Variants in CNTNAP5 observed in about 807,000 individuals in gnomAD.
CNTNAP5 encodes the protein contactin-associated protein-like 5.
CNTNAP5 carries 72 observed loss-of-function variants against 150.2 expected under a neutral mutation model. The ratio of observed to expected loss-of-function variants is 0.48; its 90% CI spans 0.40 to 0.58. CNTNAP5 has a LOEUF of 0.58. Among genes scored for constraint, CNTNAP5 ranks in the 20% least tolerant of loss-of-function variants. The pLI is 0.00. For synonymous variants in CNTNAP5, 672 were observed against 619.8 expected, an observed-to-expected ratio of 1.08 and a Z score of -1.25; for missense variants, 1,636 against 1,626.2, an observed-to-expected ratio of 1.01 and a Z score of -0.10.
At chr2:124,582,965 T>TA (rs756387584) in intron 11 of CNTNAP5, among the ~76,000 whole-genome samples, 26 of 152,196 alleles carry the variant, frequency 1.7e-4, no homozygotes, top group Non-Finnish European at 3.1e-4. Context: ...AATCATTTCT[T>TA]AAAAAATTAT....
chr2:124,327,184 G>T (rs1292964131), intron 3 of CNTNAP5, among the ~76,000 whole-genome samples: 2 of 151,768 alleles, frequency 1.3e-5, no homozygotes, highest in Admixed American at 6.6e-5. Flanking sequence ...GTTTCACTGT[G>T]TTAGCCAGGA....
chr2:124,914,320 T>C lies in CNTNAP5; in HGVS notation c.*32T>C. ...GCAGGGTTCCTACTACTCTTTTTTC[T>C]TGTTGTTCAATTATCTCCTCCCCCT... On this transcript the variant is annotated 3_prime_UTR_variant, in exon 24 of 24. Coordinates refer to ENST00000682447, the MANE Select transcript of CNTNAP5 (RefSeq NM_001367498.1). The C allele has an allele frequency of 1.3e-6, 2 of 1,506,592 alleles. No individual in the cohort carries two copies. Among genetic ancestry groups the C allele is most frequent in the Admixed American group, 1.7e-5 (1 of 57,760 alleles). 93.3% of individuals were successfully genotyped at this position (1,506,592 alleles called of 1,614,324 possible).
intron 4 of CNTNAP5, among the ~76,000 whole-genome samples, chr2:124,425,748 C>G (rs1025855187): frequency 6.6e-6 from 1 of 152,174 alleles, no homozygotes; most frequent in African/African-American, 2.4e-5. Context: ...CTTACAGTGG[C>G]ATAGTGATGC....
At chr2:124,522,934 T>C (rs1015293456) in intron 8 of CNTNAP5, among the ~76,000 whole-genome samples, 2 of 152,226 alleles carry the variant, frequency 1.3e-5, no homozygotes, top group African/African-American at 4.8e-5. Context: ...TCTTCTCTGC[T>C]CACATATTGC....
chr2:124,588,253 TC>T (rs1167348748), intron 11 of CNTNAP5, among the ~76,000 whole-genome samples: 1 of 150,674 alleles, frequency 6.6e-6, no homozygotes, highest in East Asian at 2.0e-4. Flanking sequence ...CTTTATTTCC[TC>T]TTTCTTCTTC....
chr2:124,556,611 T>C (rs984026356), intron 10 of CNTNAP5, among the ~76,000 whole-genome samples: 4 of 152,148 alleles, frequency 2.6e-5, no homozygotes, highest in African/African-American at 9.7e-5. Context: ...ATTGTAGTTA[T>C]TCTGGTGAGA....
At chr2:124,519,858 A>ACT (rs1288339135) in intron 8 of CNTNAP5, among the ~76,000 whole-genome samples, 1 of 152,104 alleles carries the variant, frequency 6.6e-6, no homozygotes, top group Admixed American at 6.5e-5. Context: ...AGCCTATTTA[A>ACT]CTCTCTCTCT....
chr2:124,868,006 C>T (rs557707785), intron 20 of CNTNAP5, among the ~76,000 whole-genome samples: 79 of 152,278 alleles, frequency 5.2e-4, no homozygotes, highest in Non-Finnish European at 8.1e-4. Flanking sequence ...GTGGTATTCT[C>T]CTTTTATCTC....
At chr2:124,269,605 G>A (rs1335055553) in intron 3 of CNTNAP5, among the ~76,000 whole-genome samples, 2 of 152,048 alleles carry the variant, frequency 1.3e-5, no homozygotes, top group East Asian at 3.9e-4. Context: ...CACGGAAAGT[G>A]ATAAGAGAGG....
intron 19 of CNTNAP5, among the ~76,000 whole-genome samples, chr2:124,852,500 C>T (rs1335641110): frequency 6.6e-6 from 1 of 152,124 alleles, no homozygotes. Flanking sequence ...TGAAATGAGA[C>T]CAAAGAGGTA....
chr2:124,225,094 G>T (rs188195302), intron 2 of CNTNAP5, among the ~76,000 whole-genome samples: 1 of 152,182 alleles, frequency 6.6e-6, no homozygotes, highest in African/African-American at 2.4e-5. Context: ...GCATCTCTCC[G>T]GATGGTGAGA....
chr2:124,759,437 C>T (rs1017308506), intron 14 of CNTNAP5, among the ~76,000 whole-genome samples: 1 of 145,558 alleles, frequency 6.9e-6, no homozygotes. Flanking sequence ...TATATAATGG[C>T]ACCACTAATT....
intron 13 of CNTNAP5, among the ~76,000 whole-genome samples, chr2:124,678,712 G>A (rs1274659959): frequency 2.6e-5 from 4 of 151,816 alleles, no homozygotes; most frequent in Non-Finnish European, 2.9e-5. Context: ...TTTTGTCATG[G>A]CCTCCTTCTC....
At chr2:124,419,140 CAAAAAAAA>C (rs778863758) in intron 4 of CNTNAP5, among the ~76,000 whole-genome samples, 3 of 28,914 alleles carry the variant, frequency 1.0e-4, no homozygotes, top group African/African-American at 2.1e-4. Flanking sequence ...GACTCCTTCT[CAAAAAAAA>C]AAAAAAAAAA....
In CNTNAP5 at chr2:124,504,355, G is replaced by A. The variant is rs1379485272; in HGVS notation, c.1126G>A (p.Gly376Ser). The A allele has an allele frequency of 5.0e-6, 8 of 1,613,708 alleles. No homozygotes were observed. Among genetic ancestry groups the A allele is most frequent in the Middle Eastern group, 1.6e-4 (1 of 6,062 alleles). The change falls in exon 8 of 24, where the codon GGC (glycine) becomes AGC (serine). Residue 376 changes from glycine to serine, a missense_variant. Transcript: ENST00000682447. Reference protein sequence around the residue: ...IVPITFVNSSGSYLLLPGTPQ... With the variant: ...IVPITFVNSSSSYLLLPGTPQ... ...GCCCATCACATTTGTCAACTCCAGCGGCAGCTATTTGCTGCTGCCCGGCAC... is the reference window on the plus strand; with the variant it reads ...GCCCATCACATTTGTCAACTCCAGCAGCAGCTATTTGCTGCTGCCCGGCAC...
intron 21 of CNTNAP5, among the ~76,000 whole-genome samples, chr2:124,901,710 C>A (rs1678417089): frequency 6.6e-6 from 1 of 152,148 alleles, no homozygotes. Flanking sequence ...CAATTTGTCA[C>A]ACCAGCCACA....
intron 10 of CNTNAP5, among the ~76,000 whole-genome samples, chr2:124,557,328 T>TAA (rs59366701): frequency 2.7e-5 from 4 of 149,898 alleles, no homozygotes; most frequent in Admixed American, 6.6e-5. Flanking sequence ...TCTCACCTCT[T>TAA]AAAAAAAAAA....
At chr2:124,193,277 G>A (rs1296781105) in intron 1 of CNTNAP5, among the ~76,000 whole-genome samples, 3 of 152,188 alleles carry the variant, frequency 2.0e-5, no homozygotes, top group Admixed American at 6.5e-5. Context: ...AGACTTCAAT[G>A]CCTCTTTTTA....
In CNTNAP5 at chr2:124,417,729, T is replaced by G. The variant is rs553977252; in HGVS notation, c.529+139T>G. ...ACTTTCATATGCATATTTAAAAATG[T>G]TCAATTCAATCCCAAAGTAGAAAAA... is the stretch of plus-strand genomic sequence containing the variant. On this transcript the variant is annotated intron_variant, in intron 4 of 23. Transcript: ENST00000682447. 75 of 832,330 alleles carry G rather than the reference T, an allele frequency of 9.0e-5. No homozygotes were observed. In the African/African-American group the frequency reaches 1.1e-3, roughly 13 times the overall value. 51.6% of individuals were successfully genotyped at this position (832,330 alleles called of 1,614,324 possible).
Sources: gnomAD v4.1 joint callset for allele counts (sites outside exome capture counted in the v4.1 genomes callset) on GRCh38, gnomAD v4.1.1 for gene constraint, MANE v1.5 for transcripts, NCBI Gene and HGNC (gene_info 2026-07-23, HGNC 2026-07-21) for gene names.